CNKSR3: variants seen among roughly 807,000 people sequenced by gnomAD.
The protein encoded by CNKSR3 is connector enhancer of kinase suppressor of ras 3.
A neutral mutation model predicts 67.7 loss-of-function variants in CNKSR3; 36 were observed. The ratio of observed to expected loss-of-function variants is 0.53; its 90% confidence interval spans 0.41 to 0.70. The LOEUF (loss-of-function observed/expected upper bound fraction) is 0.70, where lower values mean the gene tolerates loss of function less well. Ranked by LOEUF, CNKSR3 falls within the 30% of genes least tolerant of loss-of-function variation. The pLI is 0.00. For synonymous variants in CNKSR3, 281 were observed against 271.4 expected (o/e 1.04, Z -0.35); for missense variants, 630 against 695.2 (o/e 0.91, Z 1.05).
chr6:154,468,547 A>C (rs1217740661), intron 1 of CNKSR3, among the ~76,000 whole-genome samples: 1 of 152,102 alleles, frequency 6.6e-6, no homozygotes, highest in Non-Finnish European at 1.5e-5. Context: ...CGACTCTATT[A>C]GGATAATGGC....
At chr6:154,414,016 T>C (rs1784962423) in intron 10 of CNKSR3, among the ~76,000 whole-genome samples, 1 of 152,166 alleles carries the variant, frequency 6.6e-6, no homozygotes, top group South Asian at 2.1e-4. Flanking sequence ...CCCAAAGTGC[T>C]GGGATTACAG....
chr6:154,509,927 A>G, intron 1 of CNKSR3, 136 bp downstream of exon 1: 2 of 926,878 alleles, frequency 2.2e-6, no homozygotes, highest in South Asian at 2.8e-5. Flanking sequence ...GCCACTCGGC[A>G]GAAGTTTGCA....
intron 1 of CNKSR3, among the ~76,000 whole-genome samples, chr6:154,454,082 A>AACACACACACACACACACACACAC (rs368097129): frequency 5.1e-5 from 4 of 78,284 alleles, no homozygotes; most frequent in African/African-American, 1.7e-4. Flanking sequence ...GCAAGATGAA[A>AACACACACACACACACACACACAC]ACACACACAC....
chr6:154,399,647 C>T lies in CNKSR3; in HGVS notation c.*6707G>A, dbSNP rs1784695954. On this transcript the variant is annotated 3_prime_UTR_variant, in exon 13 of 13. Coordinates refer to ENST00000607772, the MANE Select transcript of CNKSR3 (RefSeq NM_173515.4). Reference sequence around the variant, plus strand: ...AATTCCTCAAATCCCTCCTCTTATCCTGGTGCAGCCTCAGTTGGAGTGACA... The same window carrying T: ...AATTCCTCAAATCCCTCCTCTTATCTTGGTGCAGCCTCAGTTGGAGTGACA... The T allele has an allele frequency of 6.6e-6, 1 of 152,040 alleles. No homozygotes were observed. The highest frequency in any genetic ancestry group is 1.5e-5 in the Non-Finnish European group (1 of 68,014). The allele number at this position is 152,040 out of a possible 1,614,324, so 9.4% of individuals were successfully genotyped here.
intron 9 of CNKSR3, among the ~76,000 whole-genome samples, chr6:154,416,279 G>A (rs906532000): frequency 6.6e-6 from 1 of 152,202 alleles, no homozygotes; most frequent in Non-Finnish European, 1.5e-5. Context: ...GAGATTCACA[G>A]AGGACAGCTC....
intron 1 of CNKSR3, among the ~76,000 whole-genome samples, chr6:154,504,369 T>G (rs768575353): frequency 9.0e-4 from 137 of 152,122 alleles, no homozygotes; most frequent in Non-Finnish European, 1.4e-3. Flanking sequence ...TATGAAAGAC[T>G]TCACTGCTCA....
rs1335216880 is a variant in CNKSR3, at chr6:154,396,182, T to C, written c.*10172A>G. The stretch of plus-strand genomic sequence containing the variant: ...CACCATTAACTTTTCCCTGGCTAAT[T>C]TGAAACTGCCTGTACGAGCTTTAAA... On this transcript the variant is annotated 3_prime_UTR_variant, in exon 13 of 13. Transcript: ENST00000607772. 1.3e-5 allele frequency: 2 copies of C among 152,248 alleles called. No homozygotes were observed. Among genetic ancestry groups the C allele is most frequent in the African/African-American group, 4.8e-5 (2 of 41,466 alleles). The allele number at this position is 152,248 out of a possible 1,614,324, so 9.4% of individuals were successfully genotyped here. A position where few individuals can be genotyped will look rare whatever the true frequency, so the allele number is the denominator to read the frequency against.
intron 1 of CNKSR3, among the ~76,000 whole-genome samples, chr6:154,470,849 A>C (rs1172972638): frequency 3.9e-5 from 6 of 152,202 alleles, no homozygotes; most frequent in Admixed American, 3.9e-4. Flanking sequence ...CATTCTGAGG[A>C]ACTGCCAAAC....
At chr6:154,505,591 G>A (rs537259194) in intron 1 of CNKSR3, among the ~76,000 whole-genome samples, 37 of 150,288 alleles carry the variant, frequency 2.5e-4, no homozygotes, top group East Asian at 8.2e-4. Flanking sequence ...TCCGCCTCCC[G>A]GGTTCATGCC....
chr6:154,407,800 A>G (rs564180532), intron 12 of CNKSR3, among the ~76,000 whole-genome samples: 1 of 143,614 alleles, frequency 7.0e-6, no homozygotes, highest in Non-Finnish European at 1.5e-5. Flanking sequence ...GAATTTTCTA[A>G]ATTTTCTAAA....
In CNKSR3 at chr6:154,410,924, T is replaced by C. The variant is rs951115534; in HGVS notation, c.1279+10A>G. ...CCAACGGCAGAACAAAACAAACACTTGAAACTTACCATAAGATGGTGTTTT... is the reference window on the plus strand; with the variant it reads ...CCAACGGCAGAACAAAACAAACACTCGAAACTTACCATAAGATGGTGTTTT... On this transcript the variant is annotated intron_variant, in intron 11 of 12. Transcript: ENST00000607772. 35 of 1,604,912 alleles carry C rather than the reference T, an allele frequency of 2.2e-5. No homozygotes were observed. Among genetic ancestry groups the C allele is most frequent in the Admixed American group, 3.4e-5 (2 of 59,312 alleles).
At position 154,387,551 on chromosome 6, in the gene CNKSR3, G is replaced by T. The variant is rs1385919482; in HGVS notation, c.*18803C>A. The T allele has an allele frequency of 6.6e-6, 1 of 152,222 alleles. No homozygotes were observed. The highest frequency in any genetic ancestry group is 3.2e-3 in the Middle Eastern group (1 of 316). The allele number at this position is 152,222 out of a possible 1,614,324, so 9.4% of individuals were successfully genotyped here. A position where few individuals can be genotyped will look rare whatever the true frequency, so the allele number is the denominator to read the frequency against. On this transcript the variant is annotated 3_prime_UTR_variant, in exon 13 of 13. Coordinates refer to ENST00000607772, the MANE Select transcript of CNKSR3 (RefSeq NM_173515.4). Reference sequence around the variant, plus strand: ...TGTTTTATTATGTACATTAGTTAATGAGGCACAGGAAAGGAATGTTAAGAA... The same window carrying T: ...TGTTTTATTATGTACATTAGTTAATTAGGCACAGGAAAGGAATGTTAAGAA...
At chr6:154,498,455 T>A (rs957856431) in intron 1 of CNKSR3, among the ~76,000 whole-genome samples, 8 of 151,610 alleles carry the variant, frequency 5.3e-5, no homozygotes, top group African/African-American at 1.5e-4. Context: ...ATGACAAAAA[T>A]CAGAAGCTCT....
intron 11 of CNKSR3, 45 bp from the exon 12 acceptor site, chr6:154,410,477 G>C (rs777910802): frequency 2.3e-5 from 29 of 1,276,794 alleles, no homozygotes; most frequent in Non-Finnish European, 3.3e-5. Flanking sequence ...ATGAGTTCTG[G>C]AACTTTAGTG....
chr6:154,508,447 C>T (rs771678853), intron 1 of CNKSR3, among the ~76,000 whole-genome samples: 10 of 152,100 alleles, frequency 6.6e-5, no homozygotes, highest in Admixed American at 1.3e-4. Flanking sequence ...TTGGACAGAG[C>T]GGCTCTAGAA....
rs1039520944 is a variant in CNKSR3 at position 154,387,995 on chromosome 6, G to A, written c.*18359C>T. ...AGAATTAAAATCCAATTGCTTTTCT[G>A]TTCTATTTTCTTTCTTTTTTTTTTT... On this transcript the variant is annotated 3_prime_UTR_variant, in exon 13 of 13. Transcript: ENST00000607772. 5 of 144,372 alleles carry A rather than the reference G, an allele frequency of 3.5e-5. No individual in the cohort carries two copies. The highest frequency in any genetic ancestry group is 1.3e-4 in the African/African-American group (5 of 38,912). The allele number at this position is 144,372 out of a possible 1,614,324, so 8.9% of individuals were successfully genotyped here. A position where few individuals can be genotyped will look rare whatever the true frequency, so the allele number is the denominator to read the frequency against.
At chr6:154,410,313 T>C in intron 12 of CNKSR3, 30 bp downstream of exon 12, 1 of 1,543,848 alleles carries the variant, frequency 6.5e-7, no homozygotes, top group Non-Finnish European at 9.0e-7. Context: ...CCCCATTTGC[T>C]GTTCCTTGGT....
At chr6:154,436,179 C>T (rs10872707) in intron 4 of CNKSR3, among the ~76,000 whole-genome samples, 78,325 of 152,072 alleles carry the variant, frequency 0.52, 20,593 homozygotes, top group Non-Finnish European at 0.55. Flanking sequence ...TTGCTTTCTT[C>T]TCGTGTATGT....
intron 1 of CNKSR3, among the ~76,000 whole-genome samples, chr6:154,460,441 A>G (rs1208301812): frequency 6.6e-6 from 1 of 152,220 alleles, no homozygotes; most frequent in Admixed American, 6.5e-5. Flanking sequence ...CAGACATTAA[A>G]AATGCAAAAT....
Sources: allele counts gnomAD v4.1 joint callset (sites outside exome capture counted in the v4.1 genomes callset), GRCh38; gene constraint gnomAD v4.1.1; transcripts MANE v1.5; gene names NCBI Gene and HGNC (gene_info 2026-07-23, HGNC 2026-07-21).